The following SLC24A2 variants were observed in gnomAD, a reference collection of about 807,000 sequenced individuals.
SLC24A2 encodes the protein solute carrier family 24 member 2.
A neutral mutation model predicts 62.0 loss-of-function variants in SLC24A2; 36 were observed. The observed-to-expected ratio is 0.58, with a 90% CI of 0.44 to 0.77. The LOEUF (loss-of-function observed/expected upper bound fraction) is 0.77. Ranked by LOEUF, SLC24A2 falls within the 30% of genes least tolerant of loss-of-function variation. The probability of loss-of-function intolerance (pLI) is 0.00; values close to 1 mark genes in which losing one functional copy is unlikely to be tolerated. For synonymous variants in SLC24A2, 358 were observed against 294.0 expected (o/e 1.22, Z -2.23); for missense variants, 846 against 817.9 (o/e 1.03, Z -0.42).
the SLC24A2 span, among the ~76,000 whole-genome samples, chr9:20,255,745 A>G: frequency 3.3e-5 from 5 of 152,222 alleles, no homozygotes; most frequent in African/African-American, 1.2e-4. Flanking sequence ...GTCATATTCT[A>G]CTGATCAATG....
chr9:19,930,068 C>A, the SLC24A2 span: 1 of 151,996 alleles, frequency 6.6e-6, no homozygotes, highest in African/African-American at 2.4e-5. Context: ...TTTATAGTAA[C>A]AAAGGTTAAT....
At chr9:19,891,205 G>T in the SLC24A2 span, among the ~76,000 whole-genome samples, 1 of 152,126 alleles carries the variant, frequency 6.6e-6, no homozygotes, top group Non-Finnish European at 1.5e-5. Flanking sequence ...CTTTTCTTCA[G>T]TCTTGTCCTG....
At chr9:19,815,207 T>A in the SLC24A2 span, among the ~76,000 whole-genome samples, 2 of 152,170 alleles carry the variant, frequency 1.3e-5, no homozygotes, top group African/African-American at 2.4e-5. Flanking sequence ...TTTATGGGAA[T>A]AATCAGATGA....
chr9:19,939,360 A>T, the SLC24A2 span, among the ~76,000 whole-genome samples: 7 of 152,370 alleles, frequency 4.6e-5, no homozygotes, highest in African/African-American at 1.7e-4. Flanking sequence ...CTCCTAGGCT[A>T]TGAATCTGTA....
intron 2 of SLC24A2, among the ~76,000 whole-genome samples, chr9:19,769,795 C>G (rs1051158360): frequency 1.3e-5 from 2 of 152,034 alleles, no homozygotes; most frequent in African/African-American, 4.8e-5. Context: ...AAAGATGGCA[C>G]CTTTCTTTTT....
chr9:19,865,389 A>G, the SLC24A2 span, among the ~76,000 whole-genome samples: 21 of 152,276 alleles, frequency 1.4e-4, no homozygotes, highest in African/African-American at 4.6e-4. Flanking sequence ...AAGACCCAGA[A>G]TCGCCAAAGC....
the SLC24A2 span, among the ~76,000 whole-genome samples, chr9:19,876,498 T>A: frequency 0.06 from 9,089 of 152,098 alleles, 418 homozygotes; most frequent in East Asian, 0.2. Flanking sequence ...TACAGCCTTC[T>A]TCTGGTTAAG....
At chr9:20,102,919 G>T in the SLC24A2 span, among the ~76,000 whole-genome samples, 3 of 152,162 alleles carry the variant, frequency 2.0e-5, no homozygotes, top group Admixed American at 2.0e-4. Context: ...GAAGCTCAAG[G>T]GATCAGGGAG....
At chr9:19,561,493 G>T (rs1384822992) in intron 7 of SLC24A2, among the ~76,000 whole-genome samples, 1 of 147,120 alleles carries the variant, frequency 6.8e-6, no homozygotes, top group Non-Finnish European at 1.5e-5. Context: ...GCAATGCAGT[G>T]GTGTGATCTC....
the SLC24A2 span, among the ~76,000 whole-genome samples, chr9:20,092,445 AC>A: frequency 1.4e-5 from 2 of 147,728 alleles, no homozygotes; most frequent in African/African-American, 4.9e-5. Flanking sequence ...TTATGCATAG[AC>A]TTTTTTATTT....
intron 2 of SLC24A2, among the ~76,000 whole-genome samples, chr9:19,668,837 G>A (rs1232820330): frequency 6.6e-6 from 1 of 152,140 alleles, no homozygotes; most frequent in African/African-American, 2.4e-5. Flanking sequence ...TGCCTTTGGT[G>A]CAGAGATCAG....
chr9:19,786,203 T>A lies in SLC24A2; in HGVS notation c.664A>T (p.Met222Leu). 1 of 1,614,088 alleles carries A rather than the reference T, an allele frequency of 6.2e-7. No homozygotes were observed. The highest frequency in any genetic ancestry group is 8.5e-7 in the Non-Finnish European group (1 of 1,180,038). ...AVFNILFVIG[M>L]CALFSREILN... is the part of the protein sequence containing the mutation. ...ATTTCTCTAGAAAACAGAGCACACA[T>A]GCCAATAACAAAGAGGATGTTGAAT... is the stretch of plus-strand genomic sequence containing the variant. The change falls in exon 2 of 11, where the codon ATG (methionine) becomes TTG (leucine). Residue 222 changes from methionine to leucine, a missense_variant. Met to Leu is a conservative substitution (Grantham distance 15). Transcript: ENST00000341998. The surrounding 1 kb of genome is among the most constrained non-coding windows in gnomAD (Gnocchi z 5.0).
chr9:19,733,635 G>A (rs902642236), intron 2 of SLC24A2, among the ~76,000 whole-genome samples: 1 of 152,184 alleles, frequency 6.6e-6, no homozygotes, highest in Non-Finnish European at 1.5e-5. Flanking sequence ...TATTTCTGGA[G>A]TGATCCTGGT....
At chr9:19,979,687 G>A in the SLC24A2 span, among the ~76,000 whole-genome samples, 4 of 152,082 alleles carry the variant, frequency 2.6e-5, no homozygotes, top group South Asian at 4.1e-4. Flanking sequence ...GCTGCTGTCC[G>A]ACATTATTTA....
the SLC24A2 span, among the ~76,000 whole-genome samples, chr9:20,003,681 G>C: frequency 3.9e-5 from 6 of 152,122 alleles, no homozygotes; most frequent in African/African-American, 1.4e-4. Context: ...GGGTCATAGG[G>C]TTTCTGTCAC....
At chr9:20,007,578 T>C in the SLC24A2 span, among the ~76,000 whole-genome samples, 1 of 152,202 alleles carries the variant, frequency 6.6e-6, no homozygotes, top group African/African-American at 2.4e-5. Context: ...TTTATGAGTA[T>C]ATAAAGTAAC....
At chr9:20,070,579 A>C in the SLC24A2 span, among the ~76,000 whole-genome samples, 1 of 152,346 alleles carries the variant, frequency 6.6e-6, no homozygotes, top group East Asian at 1.9e-4. Flanking sequence ...CTAACTGCTA[A>C]AGCATCTAGG....
the SLC24A2 span, among the ~76,000 whole-genome samples, chr9:19,850,993 A>ACG: frequency 2.1e-5 from 1 of 47,824 alleles, no homozygotes; most frequent in African/African-American, 7.1e-5. Flanking sequence ...ATGTATATAT[A>ACG]TATATATACA....
chr9:19,573,396 T>C lies in SLC24A2; in HGVS notation c.1302A>G (p.Val434=), dbSNP rs137919143. ...MTPSSDASEP[V]QNGNLSHNIE... ...TGTTGTGGGAGAGATTTCCATTTTG[T>C]ACAGGTTCTGAAGCATCACTGGATG... The change falls in exon 7 of 11, where the codon GTA becomes GTG. Residue 434 remains valine, a synonymous_variant. Coordinates refer to ENST00000341998, the MANE Select transcript of SLC24A2 (RefSeq NM_020344.4). 8.8e-5 allele frequency: 142 copies of C among 1,613,860 alleles called. No individual in the cohort carries two copies. The African/African-American group carries it at 1.5e-3, about 17-fold the overall frequency.
Sources: allele counts gnomAD v4.1 joint callset (sites outside exome capture counted in the v4.1 genomes callset), GRCh38; gene constraint gnomAD v4.1.1; non-coding constraint Gnocchi (gnomAD v3.1); transcripts MANE v1.5; gene names NCBI Gene and HGNC (gene_info 2026-07-23, HGNC 2026-07-21).